GRID1: variants seen among roughly 807,000 people sequenced by gnomAD.
GRID1 encodes glutamate receptor ionotropic, delta-1.
GRID1 carries 28 observed loss-of-function variants against 98.0 expected under a neutral mutation model. That is an observed-to-expected ratio of 0.29 (90% CI 0.21 to 0.39). The LOEUF (loss-of-function observed/expected upper bound fraction) is 0.39, where lower values mean the gene tolerates loss of function less well. Ranked by LOEUF, GRID1 falls within the 10% of genes least tolerant of loss-of-function variation. The pLI is 1.00. For missense variants in GRID1, 1,111 were observed against 1,340.5 expected (o/e 0.83, Z 2.67); for synonymous variants, 553 against 538.5 (o/e 1.03, Z -0.37).
At chr10:86,028,351 G>A (rs1364406466) in intron 4 of GRID1, among the ~76,000 whole-genome samples, 1 of 152,160 alleles carries the variant, frequency 6.6e-6, no homozygotes, top group Non-Finnish European at 1.5e-5. Flanking sequence ...TACTCATCAA[G>A]GCTATGGAAT....
At chr10:86,341,866 T>A (rs901629343) in intron 2 of GRID1, among the ~76,000 whole-genome samples, 1 of 152,160 alleles carries the variant, frequency 6.6e-6, no homozygotes, top group African/African-American at 2.4e-5. Context: ...AATTTAGGGA[T>A]CTGGCCTCAG....
chr10:85,705,891 G>A (rs909536968), intron 12 of GRID1, among the ~76,000 whole-genome samples: 3 of 152,118 alleles, frequency 2.0e-5, no homozygotes, highest in Admixed American at 6.6e-5. Context: ...TGCAGAAAAG[G>A]CCTTCAATAA....
intron 4 of GRID1, among the ~76,000 whole-genome samples, chr10:85,946,700 C>T (rs1170163232): frequency 2.6e-5 from 4 of 152,144 alleles, no homozygotes; most frequent in East Asian, 3.9e-4. Flanking sequence ...ATCCCCAGGT[C>T]AGTCTTGGGC....
Position 85,724,714 on chromosome 10 carries a change from C to T in GRID1, c.1534-38G>A, listed in dbSNP as rs771835544. On this transcript the variant is annotated intron_variant, in intron 10 of 15. Coordinates refer to ENST00000327946, the MANE Select transcript of GRID1 (RefSeq NM_017551.3). ...GCCATCTCATTTAGACGGCAGTCCTCAGCTTACTGCTGGGTTCTGCCCTGG... is the reference window on the plus strand; with the variant it reads ...GCCATCTCATTTAGACGGCAGTCCTTAGCTTACTGCTGGGTTCTGCCCTGG... 111 of 1,545,946 alleles carry T rather than the reference C, an allele frequency of 7.2e-5. No individual in the cohort carries two copies. In the South Asian group the frequency reaches 1.3e-3, roughly 18 times the overall value.
At chr10:86,296,473 A>T (rs1425450110) in intron 2 of GRID1, among the ~76,000 whole-genome samples, 4 of 152,170 alleles carry the variant, frequency 2.6e-5, no homozygotes, top group African/African-American at 9.7e-5. Context: ...AATAGGCTGG[A>T]CACACCTTTA....
chr10:86,090,412 T>C (rs1239672242), intron 4 of GRID1, among the ~76,000 whole-genome samples: 1 of 150,986 alleles, frequency 6.6e-6, no homozygotes, highest in Non-Finnish European at 1.5e-5. Flanking sequence ...GACTGTGTCT[T>C]AAAAAATAAA....
rs116573612 is a variant in GRID1, at chr10:86,210,841, G to C, written c.236-4193C>G. 2.1e-3 allele frequency among the ~76,000 whole-genome samples: 314 copies of C among 152,358 alleles called. 3 individuals carry two copies. The highest frequency in any genetic ancestry group is 7.3e-3 in the African/African-American group (305 of 41,588). ...AAAATAATAAGATCAAAATACATCA[G>C]ATCAAAGCCAAATCAGCTATTAGCT... On this transcript the variant is annotated intron_variant, in intron 2 of 15. Coordinates refer to ENST00000327946, the MANE Select transcript of GRID1 (RefSeq NM_017551.3).
intron 3 of GRID1, among the ~76,000 whole-genome samples, chr10:86,167,979 C>T (rs956796406): frequency 1.3e-5 from 2 of 152,208 alleles, no homozygotes; most frequent in African/African-American, 4.8e-5. Flanking sequence ...CCATAGACCC[C>T]CACAGCCTTG....
chr10:86,168,241 CTG>C (rs1845430441), intron 3 of GRID1, among the ~76,000 whole-genome samples: 1 of 152,212 alleles, frequency 6.6e-6, no homozygotes, highest in South Asian at 2.1e-4. Flanking sequence ...CATTTATGGG[CTG>C]TGTGACTGTA....
intron 6 of GRID1, among the ~76,000 whole-genome samples, chr10:85,863,696 G>A (rs1362029024): frequency 6.6e-6 from 1 of 152,186 alleles, no homozygotes; most frequent in Non-Finnish European, 1.5e-5. Flanking sequence ...TAAGACCTCT[G>A]CCCCTATCAG....
At chr10:86,075,038 G>A (rs1430928008) in intron 4 of GRID1, among the ~76,000 whole-genome samples, 1 of 151,426 alleles carries the variant, frequency 6.6e-6, no homozygotes, top group African/African-American at 2.4e-5. Context: ...GAACGAGCAA[G>A]CTTCACTAAG....
In GRID1 at chr10:85,917,117, T is replaced by A. The variant is rs550353597; in HGVS notation, c.727-878A>T. On this transcript the variant is annotated intron_variant, in intron 4 of 15. Transcript: ENST00000327946. ...TCCTTCAATTGAAAAGCCAACAGAT[T>A]GGAAGAATTGGAAGAGACTGATGGT... 4.1e-4 allele frequency among the ~76,000 whole-genome samples: 63 copies of A among 152,288 alleles called. 1 individual carries two copies. The highest frequency in any genetic ancestry group is 1.4e-3 in the African/African-American group (57 of 41,564).
chr10:85,747,964 T>C (rs1251981904), intron 8 of GRID1, among the ~76,000 whole-genome samples: 1 of 152,220 alleles, frequency 6.6e-6, no homozygotes, highest in East Asian at 1.9e-4. Context: ...CCTTTCTTTC[T>C]ACAACAGTTA....
chr10:85,710,176 G>GA (rs962176387), intron 12 of GRID1, among the ~76,000 whole-genome samples: 17 of 152,002 alleles, frequency 1.1e-4, no homozygotes, highest in African/African-American at 3.9e-4. Context: ...AAACGTCTTG[G>GA]AAAAAAACAC....
chr10:85,787,352 T>C (rs1842438982), intron 8 of GRID1, among the ~76,000 whole-genome samples: 1 of 152,214 alleles, frequency 6.6e-6, no homozygotes, highest in Admixed American at 6.5e-5. Context: ...ACTCTGCTTT[T>C]TCCTCTGAGT....
intron 8 of GRID1, among the ~76,000 whole-genome samples, chr10:85,741,566 T>C (rs1454095125): frequency 6.6e-6 from 1 of 152,106 alleles, no homozygotes; most frequent in African/African-American, 2.4e-5. Context: ...ACCATCATTT[T>C]TTGCTTGGGA....
chr10:85,634,063 T>C (rs1843005066), intron 13 of GRID1, among the ~76,000 whole-genome samples: 1 of 151,216 alleles, frequency 6.6e-6, no homozygotes, highest in Non-Finnish European at 1.5e-5. Context: ...CCCAGCTACT[T>C]GGGAGGCTGA....
chr10:85,599,945 A>G lies in GRID1; in HGVS notation c.*2328T>C, dbSNP rs1281797674. ...CACACACACACACACACACAAACACACACACACAGGCGCACAAACACATCC... is the reference window on the plus strand; with the variant it reads ...CACACACACACACACACACAAACACGCACACACAGGCGCACAAACACATCC... On this transcript the variant is annotated 3_prime_UTR_variant, in exon 16 of 16. Coordinates refer to ENST00000327946, the MANE Select transcript of GRID1 (RefSeq NM_017551.3). 2 of 150,350 alleles carry G rather than the reference A, an allele frequency of 1.3e-5. No individual in the cohort carries two copies. Among genetic ancestry groups the G allele is most frequent in the African/African-American group, 2.5e-5 (1 of 40,560 alleles). 9.3% of individuals were successfully genotyped at this position (150,350 alleles called of 1,614,324 possible). A position where few individuals can be genotyped will look rare whatever the true frequency, so the allele number is the denominator to read the frequency against.
chr10:85,888,952 A>G (rs1260903895), intron 5 of GRID1, among the ~76,000 whole-genome samples: 1 of 152,212 alleles, frequency 6.6e-6, no homozygotes, highest in East Asian at 1.9e-4. Flanking sequence ...AGGGTAGGTC[A>G]AAGCAATTCC....
Sources: gnomAD v4.1 joint callset for allele counts (sites outside exome capture counted in the v4.1 genomes callset) on GRCh38, gnomAD v4.1.1 for gene constraint, MANE v1.5 for transcripts, NCBI Gene and HGNC (gene_info 2026-07-23, HGNC 2026-07-21) for gene names.